ROBO1: variants seen among roughly 807,000 people sequenced by gnomAD.
ROBO1 encodes roundabout homolog 1.
ROBO1 carries 149 observed loss-of-function variants against 195.9 expected under a neutral mutation model. The observed-to-expected ratio is 0.76, with a 90% CI of 0.67 to 0.87. ROBO1 has a LOEUF of 0.87. Ranked by LOEUF, ROBO1 falls within the 40% of genes least tolerant of loss-of-function variation. ROBO1 has a pLI of 0.00. For synonymous variants in ROBO1, 816 were observed against 733.2 expected, an observed-to-expected ratio of 1.11 and a Z score of -1.82; for missense variants, 1,933 against 2,068.3, an observed-to-expected ratio of 0.93 and a Z score of 1.27.
At chr3:79,025,516 T>A (rs1279965936) in intron 3 of ROBO1, among the ~76,000 whole-genome samples, 1 of 152,124 alleles carries the variant, frequency 6.6e-6, no homozygotes, top group Non-Finnish European at 1.5e-5. Flanking sequence ...GTTTGCTGAA[T>A]GAATGAATGA....
At chr3:79,314,356 A>G (rs1025640775) in intron 2 of ROBO1, among the ~76,000 whole-genome samples, 4 of 152,140 alleles carry the variant, frequency 2.6e-5, no homozygotes, top group Non-Finnish European at 4.4e-5. Context: ...AGGTCATTGA[A>G]TCATGTGGGA....
intron 4 of ROBO1, among the ~76,000 whole-genome samples, chr3:78,856,478 T>C (rs1227235220): frequency 1.3e-5 from 2 of 151,810 alleles, no homozygotes; most frequent in Non-Finnish European, 2.9e-5. Context: ...TTGAAGGTCA[T>C]TGAATTTTTC....
At chr3:79,241,978 C>A (rs1396014638) in intron 2 of ROBO1, among the ~76,000 whole-genome samples, 1 of 144,152 alleles carries the variant, frequency 6.9e-6, no homozygotes. Flanking sequence ...GACACATTTT[C>A]TAGACTCCCT....
At chr3:79,488,124 A>G (rs1335751374) in intron 2 of ROBO1, among the ~76,000 whole-genome samples, 2 of 152,160 alleles carry the variant, frequency 1.3e-5, no homozygotes, top group Non-Finnish European at 2.9e-5. Context: ...GAAAAATGGA[A>G]ATAAAAACTT....
chr3:79,372,586 T>TC (rs892138475), intron 2 of ROBO1, among the ~76,000 whole-genome samples: 6 of 151,602 alleles, frequency 4.0e-5, no homozygotes, highest in Non-Finnish European at 7.4e-5. Flanking sequence ...TTCTCTGCCT[T>TC]CCCCCCTACC....
chr3:78,985,095 C>T (rs1380329791), intron 3 of ROBO1, among the ~76,000 whole-genome samples: 1 of 152,134 alleles, frequency 6.6e-6, no homozygotes, highest in Non-Finnish European at 1.5e-5. Context: ...AGGTGGACTG[C>T]TTGAGCCCAG....
chr3:78,842,464 A>G (rs62257506), intron 4 of ROBO1, among the ~76,000 whole-genome samples: 216 of 7,892 alleles, frequency 0.027, 50 homozygotes, highest in East Asian at 0.13. Flanking sequence ...ATTTTTATAT[A>G]TATGAGCCAT....
chr3:79,368,733 T>C (rs1223202273), intron 2 of ROBO1, among the ~76,000 whole-genome samples: 2 of 152,148 alleles, frequency 1.3e-5, no homozygotes, highest in Non-Finnish European at 2.9e-5. Flanking sequence ...TAGAGTATAG[T>C]TTAAACTACC....
At position 78,598,147 on chromosome 3, in the gene ROBO1, T is replaced by TTGA. The variant is rs1450634893; in HGVS notation, c.*763_*765dup. 1.3e-5 allele frequency: 2 copies of TTGA among 152,670 alleles called. No homozygotes were observed. The highest frequency in any genetic ancestry group is 1.9e-4 in the East Asian group (1 of 5,178). The allele number at this position is 152,670 out of a possible 1,614,324, so 9.5% of individuals were successfully genotyped here. A position where few individuals can be genotyped will look rare whatever the true frequency, so the allele number is the denominator to read the frequency against. On this transcript the variant is annotated 3_prime_UTR_variant, in exon 31 of 31. Transcript: ENST00000464233. ...TGTAATACGTATTTATAATTACTTT[T>TTGA]TGATGATTGAAAAATAGAACAAGGT...
intron 2 of ROBO1, among the ~76,000 whole-genome samples, chr3:79,270,209 CT>C (rs2030404952): frequency 1.3e-5 from 2 of 151,334 alleles, no homozygotes; most frequent in Non-Finnish European, 3.0e-5. Flanking sequence ...CTCTCTCTCT[CT>C]CTCTCTCTCT....
chr3:79,072,167 T>C (rs1360276887), intron 3 of ROBO1, among the ~76,000 whole-genome samples: 2 of 151,906 alleles, frequency 1.3e-5, no homozygotes, highest in African/African-American at 4.8e-5. Context: ...TTCCTTGCTC[T>C]CTGCATTTTC....
intron 2 of ROBO1, among the ~76,000 whole-genome samples, chr3:79,288,710 C>T (rs1018474705): frequency 6.6e-6 from 1 of 152,166 alleles, no homozygotes; most frequent in Admixed American, 6.5e-5. Flanking sequence ...TGACCTTCAC[C>T]CTTCTGCGCC....
intron 2 of ROBO1, among the ~76,000 whole-genome samples, chr3:79,558,558 A>T (rs1398158966): frequency 6.6e-6 from 1 of 152,070 alleles, no homozygotes; most frequent in Non-Finnish European, 1.5e-5. Context: ...TATGTAGGAG[A>T]GTGGTCAGCA....
intron 1 of ROBO1, among the ~76,000 whole-genome samples, chr3:79,668,197 T>G (rs1040319571): frequency 6.6e-6 from 1 of 151,868 alleles, no homozygotes; most frequent in Non-Finnish European, 1.5e-5. Flanking sequence ...GATTAATATA[T>G]TTTGAAATGA....
chr3:78,598,914 C>T lies in ROBO1; in HGVS notation c.4955G>A (p.Ter1652=). Residue 1652 remains the stop codon, a stop_retained_variant, in exon 31 of 31, where the codon TGA becomes TAA. Transcript: ENST00000464233. The part of the protein sequence containing the change: ...NNEELEETES[*] ...ATCTCATAAGCCTCTTGGTTGTCTT[C>T]AGCTTTCAGTTTCCTGTAAGAGATA... 1 of 1,574,538 alleles carries T rather than the reference C, an allele frequency of 6.4e-7. No individual in the cohort carries two copies.
At chr3:79,720,861 C>T (rs1181111617) in intron 1 of ROBO1, among the ~76,000 whole-genome samples, 1 of 150,502 alleles carries the variant, frequency 6.6e-6, no homozygotes, top group Non-Finnish European at 1.5e-5. Context: ...GGTGCGATCT[C>T]GGCTCACTGC....
intron 3 of ROBO1, among the ~76,000 whole-genome samples, chr3:79,084,786 C>A (rs1449408775): frequency 6.6e-6 from 1 of 152,006 alleles, no homozygotes; most frequent in Non-Finnish European, 1.5e-5. Context: ...ATGTTCAGGT[C>A]CCAAGACAGT....
chr3:79,245,830 GA>G (rs2082615608), intron 2 of ROBO1, among the ~76,000 whole-genome samples: 1 of 151,796 alleles, frequency 6.6e-6, no homozygotes, highest in Non-Finnish European at 1.5e-5. Context: ...AAACAATAAT[GA>G]AAAAAATCTT....
At chr3:79,293,912 G>T (rs7616601) in intron 2 of ROBO1, among the ~76,000 whole-genome samples, 1 of 150,776 alleles carries the variant, frequency 6.6e-6, no homozygotes, top group Non-Finnish European at 1.5e-5. Flanking sequence ...CAAAAAATTA[G>T]CCGGGCGTGG....
Sources: gnomAD v4.1 joint callset for allele counts (sites outside exome capture counted in the v4.1 genomes callset) on GRCh38, gnomAD v4.1.1 for gene constraint, MANE v1.5 for transcripts, NCBI Gene and HGNC (gene_info 2026-07-23, HGNC 2026-07-21) for gene names.